CEP70: variants seen among roughly 807,000 people sequenced by gnomAD.
The protein encoded by CEP70 is centrosomal protein of 70 kDa.
In CEP70, 70 loss-of-function variants were observed where a neutral mutation model predicts 90.9. That is an observed-to-expected ratio of 0.77 (90% CI 0.64 to 0.94). The LOEUF is 0.94. Ranked by LOEUF, CEP70 falls within the 40% of genes least tolerant of loss-of-function variation. The pLI is 0.00. For synonymous variants in CEP70, 220 were observed against 228.3 expected, an observed-to-expected ratio of 0.96 and a Z score of 0.33; for missense variants, 648 against 669.0, an observed-to-expected ratio of 0.97 and a Z score of 0.35.
At chr3:138,567,943 T>C (rs758482312) in intron 6 of CEP70, among the ~76,000 whole-genome samples, 1 of 152,156 alleles carries the variant, frequency 6.6e-6, no homozygotes. Context: ...GTTTGACTAG[T>C]ATGTAATAGA....
chr3:138,503,214 C>A (rs1244474286), intron 13 of CEP70, among the ~76,000 whole-genome samples: 1 of 152,146 alleles, frequency 6.6e-6, no homozygotes, highest in Non-Finnish European at 1.5e-5. Flanking sequence ...GCCATCACCA[C>A]TCTACTTTGT....
chr3:138,579,570 T>C (rs1307224251), intron 2 of CEP70, among the ~76,000 whole-genome samples: 1 of 151,798 alleles, frequency 6.6e-6, no homozygotes, highest in Admixed American at 6.6e-5. Context: ...GAGGCCCCCA[T>C]TCCAGACCCT....
intron 11 of CEP70, among the ~76,000 whole-genome samples, chr3:138,521,760 C>T (rs541966332): frequency 3.9e-5 from 6 of 152,200 alleles, no homozygotes; most frequent in African/African-American, 9.6e-5. Context: ...CCCTTCTGCC[C>T]GGCCGCCACC....
rs376333240 is a variant in CEP70 at position 138,569,388 on chromosome 3, T to C, written c.465+930A>G. 2.4e-4 allele frequency among the ~76,000 whole-genome samples: 37 copies of C among 152,298 alleles called. No homozygotes were observed. The South Asian group carries it at 7.7e-3, about 32-fold the overall frequency. ...TAAAATAAGGACTCAATGTTTATAA[T>C]GACATAATGTTAGTAAAGATCAGAA... is the stretch of plus-strand genomic sequence containing the variant. On this transcript the variant is annotated intron_variant, in intron 6 of 17. Coordinates refer to ENST00000264982, the MANE Select transcript of CEP70 (RefSeq NM_024491.4).
chr3:138,529,345 A>G, intron 9 of CEP70, 30 bp downstream of exon 9: 1 of 1,571,206 alleles, frequency 6.4e-7, no homozygotes, highest in African/African-American at 1.4e-5. Flanking sequence ...GTTTATTAAA[A>G]AGTATTTATT....
intron 3 of CEP70, among the ~76,000 whole-genome samples, chr3:138,571,968 T>C (rs541004368): frequency 4.3e-4 from 66 of 152,192 alleles, no homozygotes; most frequent in African/African-American, 1.5e-3. Flanking sequence ...TTAGTAGAGA[T>C]GGGGTTTCAC....
In CEP70 at chr3:138,495,087, A is replaced by T. The variant is rs2108643601; in HGVS notation, c.1733-11T>A. On this transcript the variant is annotated splice_polypyrimidine_tract_variant and intron_variant, in intron 17 of 17. Coordinates refer to ENST00000264982, the MANE Select transcript of CEP70 (RefSeq NM_024491.4). Reference sequence around the variant, plus strand: ...CCAAGTCATCAATTTCTGTAATACAAAAACAGTAATAATAAAAGAGAGTAA... The same window carrying T: ...CCAAGTCATCAATTTCTGTAATACATAAACAGTAATAATAAAAGAGAGTAA... The T allele has an allele frequency of 6.6e-7, 1 of 1,506,260 alleles. No individual in the cohort carries two copies. The highest frequency in any genetic ancestry group is 1.2e-5 in the South Asian group (1 of 86,942). 93.3% of individuals were successfully genotyped at this position (1,506,260 alleles called of 1,614,324 possible). A position where few individuals can be genotyped will look rare whatever the true frequency, so the allele number is the denominator to read the frequency against.
Position 138,570,449 on chromosome 3 carries a change from C to T in CEP70, c.334G>A (p.Ala112Thr). The change falls in exon 6 of 18, where the codon GCT (alanine) becomes ACT (threonine). Residue 112 changes from alanine (A) to threonine (T), a missense_variant. Ala to Thr is a moderately conservative substitution (Grantham distance 58, BLOSUM62 0). Transcript: ENST00000264982. ...QSRAANQEQR[A>T]NDLEQIMESV... ...TCCATAATTTGTTCCAAGTCATTAG[C>T]TCGTTGTTCTTGATTGGCTGCTCGG... 1 of 1,609,384 alleles carries T rather than the reference C, an allele frequency of 6.2e-7. No individual in the cohort carries two copies.
chr3:138,559,784 T>C (rs1341978699), intron 6 of CEP70, among the ~76,000 whole-genome samples: 1 of 152,132 alleles, frequency 6.6e-6, no homozygotes, highest in Non-Finnish European at 1.5e-5. Flanking sequence ...GTCAGAGATA[T>C]TATAAATTGC....
At chr3:138,577,767 AATTAC>A (rs1191078351) in intron 2 of CEP70, among the ~76,000 whole-genome samples, 105 of 152,332 alleles carry the variant, frequency 6.9e-4, no homozygotes, top group African/African-American at 2.4e-3. Flanking sequence ...CCATATCAGT[AATTAC>A]ATTAATCATG....
Position 138,534,490 on chromosome 3 carries a change from G to T in CEP70, c.636-1920C>A, listed in dbSNP as rs185356552. Among the ~76,000 whole-genome samples, 3 of 152,222 alleles carry T rather than the reference G, an allele frequency of 2.0e-5. No individual in the cohort carries two copies. In the East Asian group the frequency reaches 5.8e-4, roughly 29 times the overall value. ...AAAACTTCATTCATTCTGAGTGATT[G>T]TAACCAATTATCTTCAATAAAGTTT... On this transcript the variant is annotated intron_variant, in intron 7 of 17. Coordinates refer to ENST00000264982, the MANE Select transcript of CEP70 (RefSeq NM_024491.4).
At chr3:138,526,540 A>T (rs891770458) in intron 10 of CEP70, among the ~76,000 whole-genome samples, 15 of 152,210 alleles carry the variant, frequency 9.9e-5, no homozygotes, top group African/African-American at 3.4e-4. Context: ...TGTCTAACTT[A>T]CTATAGGTAT....
chr3:138,574,989 G>A (rs1241961524), intron 2 of CEP70, among the ~76,000 whole-genome samples: 1 of 152,200 alleles, frequency 6.6e-6, no homozygotes, highest in Non-Finnish European at 1.5e-5. Flanking sequence ...CTACAAAGAT[G>A]GGGAGAAACC....
chr3:138,538,820 GT>G (rs1333785131), intron 6 of CEP70, among the ~76,000 whole-genome samples: 1 of 152,022 alleles, frequency 6.6e-6, no homozygotes. Flanking sequence ...ATCTACTAAA[GT>G]TTTTTACTTC....
intron 6 of CEP70, among the ~76,000 whole-genome samples, chr3:138,566,611 G>C (rs913250361): frequency 6.6e-6 from 1 of 151,948 alleles, no homozygotes; most frequent in African/African-American, 2.4e-5. Context: ...GCTGAACAAT[G>C]AGAACACATG....
At chr3:138,536,926 A>C in intron 7 of CEP70, 2 of 250,374 alleles carry the variant, frequency 8.0e-6, no homozygotes, top group Non-Finnish European at 1.5e-5. Flanking sequence ...ATGTCTGATT[A>C]ATTATGAATT....
chr3:138,589,885 A>G (rs2042295103), intron 2 of CEP70, among the ~76,000 whole-genome samples: 1 of 152,208 alleles, frequency 6.6e-6, no homozygotes, highest in South Asian at 2.1e-4. Context: ...TTTGATCAAT[A>G]TATAAGAACT....
At chr3:138,495,740 T>A in intron 17 of CEP70, 1 of 296,050 alleles carries the variant, frequency 3.4e-6, no homozygotes. Flanking sequence ...TAATCCCAGC[T>A]ACTTGGGAAG....
At chr3:138,575,570 G>C (rs1439651221) in intron 2 of CEP70, among the ~76,000 whole-genome samples, 1 of 152,120 alleles carries the variant, frequency 6.6e-6, no homozygotes, top group Non-Finnish European at 1.5e-5. Flanking sequence ...AGCAAGACAG[G>C]CCAACATTCA....
Sources: allele counts gnomAD v4.1 joint callset (sites outside exome capture counted in the v4.1 genomes callset), GRCh38; gene constraint gnomAD v4.1.1; transcripts MANE v1.5; gene names NCBI Gene and HGNC (gene_info 2026-07-23, HGNC 2026-07-21).